Variants in EIF5A observed in about 807,000 individuals in gnomAD.
EIF5A encodes the protein eukaryotic translation initiation factor 5A.
A neutral mutation model predicts 16.6 loss-of-function variants in EIF5A; 1 was observed. That is an observed-to-expected ratio of 0.06 (90% CI 0.02 to 0.28). The LOEUF (loss-of-function observed/expected upper bound fraction) is 0.28, where lower values mean the gene tolerates loss of function less well. Among genes scored for constraint, EIF5A ranks in the 10% least tolerant of loss-of-function variants. The pLI is 1.00. For synonymous variants in EIF5A, 80 were observed against 73.6 expected, an observed-to-expected ratio of 1.09 and a Z score of -0.44; for missense variants, 29 against 196.1, an observed-to-expected ratio of 0.15 and a Z score of 5.09.
chr17:7,311,717 C>T (rs1380269620), intron 5 of EIF5A, 66 bp downstream of exon 5: 1 of 1,595,716 alleles, frequency 6.3e-7, no homozygotes, highest in Non-Finnish European at 8.6e-7. Context: ...CTGCTGTAGT[C>T]TTAATTGTTT....
At chr17:7,311,304 C>T (rs2072820116) in intron 3 of EIF5A, 46 bp from the exon 4 acceptor site, 1 of 1,613,496 alleles carries the variant, frequency 6.2e-7, no homozygotes, top group Non-Finnish European at 8.5e-7. Flanking sequence ...TCATGTCAGC[C>T]TCCCTGGGCC....
chr17:7,308,100 C>T (rs915421040), intron 1 of EIF5A: 4 of 984,948 alleles, frequency 4.1e-6, no homozygotes, highest in Non-Finnish European at 4.8e-6. Flanking sequence ...CCCGGCTCAG[C>T]GCGGCCACGT....
chr17:7,311,771 C>T (rs898026798), intron 5 of EIF5A, 51 bp from the exon 6 acceptor site: 10 of 1,301,232 alleles, frequency 7.7e-6, no homozygotes, highest in Middle Eastern at 5.2e-4. Context: ...CCTCCCTATC[C>T]TTCCTGTTGA....
chr17:7,307,442 G>C, upstream of EIF5A: 1 of 1,093,002 alleles, frequency 9.1e-7, no homozygotes, highest in Non-Finnish European at 1.1e-6. Context: ...AGTTGAAAAC[G>C]CTCAGGGTTT....
chr17:7,310,085 C>T (rs1172073603), intron 2 of EIF5A: 1 of 1,407,730 alleles, frequency 7.1e-7, no homozygotes, highest in African/African-American at 1.4e-5. Flanking sequence ...TATGCTCTAG[C>T]TATTCAGTTG....
chr17:7,307,729 G>A lies in EIF5A; in HGVS notation c.-45G>A. ...GTTGGGCTCGCGGCGAGCGGACGGG[G>A]TCGAGTCAGTGCGTTCGCGCGAGGT... On this transcript the variant is annotated 5_prime_UTR_variant, in exon 1 of 6. Transcript: ENST00000336458. The A allele has an allele frequency of 9.7e-7, 1 of 1,033,094 alleles. No individual in the cohort carries two copies. 64.0% of individuals were successfully genotyped at this position (1,033,094 alleles called of 1,614,324 possible).
At chr17:7,311,516 T>G in intron 4 of EIF5A, 35 bp downstream of exon 4, 1 of 1,614,146 alleles carries the variant, frequency 6.2e-7, no homozygotes, top group Non-Finnish European at 8.5e-7. Context: ...TGTGCTCAGC[T>G]TTGTTCTGTA....
Position 7,310,973 on chromosome 17 carries a change from G to A in EIF5A, c.166-45G>A, listed in dbSNP as rs778516063. On this transcript the variant is annotated intron_variant, in intron 2 of 5. Coordinates refer to ENST00000336458, the MANE Select transcript of EIF5A (RefSeq NM_001970.5). ...GTCAATTTGAGCCTTTATTTCCTCC[G>A]TTTTAGAGTTTGGTTGGGTTTCTCT... The A allele has an allele frequency of 8.2e-6, 13 of 1,580,192 alleles. No individual in the cohort carries two copies. In the East Asian group the frequency reaches 1.3e-4, roughly 16 times the overall value.
Position 7,311,809 on chromosome 17 carries a change from C to G in EIF5A, c.*12-13C>G, listed in dbSNP as rs1025265644. On this transcript the variant is annotated splice_polypyrimidine_tract_variant and intron_variant, in intron 5 of 5. Transcript: ENST00000336458. ...GTATTATCCTGTCTTACTAATTTCT[C>G]TCTCCTACCTAGGGTGGCGGTGGTG... The G allele has an allele frequency of 3.9e-6, 4 of 1,031,664 alleles. No homozygotes were observed. In the Admixed American group the frequency reaches 6.9e-5, roughly 18 times the overall value. The allele number at this position is 1,031,664 out of a possible 1,614,324, so 63.9% of individuals were successfully genotyped here. A position where few individuals can be genotyped will look rare whatever the true frequency, so the allele number is the denominator to read the frequency against.
chr17:7,307,825 C>A (rs1202409764), intron 1 of EIF5A, 73 bp downstream of exon 1: 32 of 146,926 alleles, frequency 2.2e-4, no homozygotes, highest in Non-Finnish European at 3.9e-4. Context: ...GCGCGGGGGT[C>A]GGGGAGGGGG....
chr17:7,311,912 C>A lies in EIF5A; in HGVS notation c.*102C>A, dbSNP rs192719874. On this transcript the variant is annotated 3_prime_UTR_variant, in exon 6 of 6. Coordinates refer to ENST00000336458, the MANE Select transcript of EIF5A (RefSeq NM_001970.5). ...CTCTGGCCCGGTCCTAAGCTGGACT[C>A]CTCCTACACAATTTATTTGACGTTT... 215 of 564,124 alleles carry A rather than the reference C, an allele frequency of 3.8e-4. 1 individual carries two copies. The highest frequency in any genetic ancestry group is 3.2e-3 in the East Asian group (105 of 32,674). 34.9% of individuals were successfully genotyped at this position (564,124 alleles called of 1,614,324 possible).
At chr17:7,311,202 A>T in intron 3 of EIF5A, 80 bp downstream of exon 3, 1 of 1,582,452 alleles carries the variant, frequency 6.3e-7, no homozygotes, top group South Asian at 1.1e-5. Flanking sequence ...TGACCAGGAG[A>T]GCTTGTGCTG....
chr17:7,307,517 T>A (rs7220464), upstream of EIF5A: 67 of 998,114 alleles, frequency 6.7e-5, no homozygotes, highest in Admixed American at 3.1e-4. Context: ...TGGAGATGGG[T>A]AGGGTGTGTG....
rs781547690 is a variant in EIF5A, at chr17:7,311,887, C to T, written c.*77C>T. On this transcript the variant is annotated 3_prime_UTR_variant, in exon 6 of 6. Coordinates refer to ENST00000336458, the MANE Select transcript of EIF5A (RefSeq NM_001970.5). ...GGCCCCCTCCCCGAGCCTGGCCTGG[C>T]TCTGGCCCGGTCCTAAGCTGGACTC... 63 of 629,302 alleles carry T rather than the reference C, an allele frequency of 1.0e-4. No homozygotes were observed. The highest frequency in any genetic ancestry group is 1.6e-4 in the Non-Finnish European group (58 of 353,166). 39.0% of individuals were successfully genotyped at this position (629,302 alleles called of 1,614,324 possible). A position where few individuals can be genotyped will look rare whatever the true frequency, so the allele number is the denominator to read the frequency against.
intron 2 of EIF5A, chr17:7,310,282 C>G (rs959949428): frequency 7.8e-7 from 1 of 1,287,936 alleles, no homozygotes; most frequent in Non-Finnish European, 1.0e-6. Context: ...CCCTTTGGAA[C>G]TCTGACGCAG....
Position 7,311,821 on chromosome 17 carries a change from GGGTGGCGGT to G in EIF5A, c.*18_*26del. The G allele has an allele frequency of 1.1e-6, 1 of 947,844 alleles. No homozygotes were observed. The highest frequency in any genetic ancestry group is 1.7e-5 in the South Asian group (1 of 60,368). The allele number at this position is 947,844 out of a possible 1,614,324, so 58.7% of individuals were successfully genotyped here. A position where few individuals can be genotyped will look rare whatever the true frequency, so the allele number is the denominator to read the frequency against. ...CTTACTAATTTCTCTCTCCTACCTA[GGGTGGCGGT>G]GGTGGCAGCAGTGATCCTCTGAACC... On this transcript the variant is annotated splice_region_variant and 3_prime_UTR_variant, in exon 6 of 6. Transcript: ENST00000336458.
intron 2 of EIF5A, chr17:7,310,253 G>A (rs2072778138): frequency 1.6e-6 from 2 of 1,289,558 alleles, no homozygotes; most frequent in South Asian, 1.2e-5. Context: ...TTGCTGCTTC[G>A]TTCCCCAGTT....
rs1217577333 is a variant in EIF5A at position 7,311,882 on chromosome 17, C to T, written c.*72C>T. On this transcript the variant is annotated 3_prime_UTR_variant, in exon 6 of 6. Coordinates refer to ENST00000336458, the MANE Select transcript of EIF5A (RefSeq NM_001970.5). Reference sequence around the variant, plus strand: ...GCAGAGGCCCCCTCCCCGAGCCTGGCCTGGCTCTGGCCCGGTCCTAAGCTG... The same window carrying T: ...GCAGAGGCCCCCTCCCCGAGCCTGGTCTGGCTCTGGCCCGGTCCTAAGCTG... 1.1e-5 allele frequency: 7 copies of T among 641,990 alleles called. No individual in the cohort carries two copies. The allele number at this position is 641,990 out of a possible 1,614,324, so 39.8% of individuals were successfully genotyped here.
In EIF5A at chr17:7,311,846, C is replaced by A; in HGVS notation, c.*36C>A. On this transcript the variant is annotated 3_prime_UTR_variant, in exon 6 of 6. Transcript: ENST00000336458. Reference sequence around the variant, plus strand: ...GGGTGGCGGTGGTGGCAGCAGTGATCCTCTGAACCTGCAGAGGCCCCCTCC... The same window carrying A: ...GGGTGGCGGTGGTGGCAGCAGTGATACTCTGAACCTGCAGAGGCCCCCTCC... 1.3e-6 allele frequency: 1 copy of A among 772,410 alleles called. No homozygotes were observed. Among genetic ancestry groups the A allele is most frequent in the East Asian group, 2.7e-5 (1 of 36,830 alleles). 47.8% of individuals were successfully genotyped at this position (772,410 alleles called of 1,614,324 possible). A position where few individuals can be genotyped will look rare whatever the true frequency, so the allele number is the denominator to read the frequency against.
Sources: gnomAD v4.1 joint callset for allele counts on GRCh38, gnomAD v4.1.1 for gene constraint, MANE v1.5 for transcripts, NCBI Gene and HGNC (gene_info 2026-07-23, HGNC 2026-07-21) for gene names.